The following SPMIP2 variants were observed in gnomAD, a reference collection of about 807,000 sequenced individuals.
SPMIP2 encodes protein SPMIP2.
At chr4:159,028,897 C>A in the SPMIP2 span, among the ~76,000 whole-genome samples, 2 of 152,072 alleles carry the variant, frequency 1.3e-5, no homozygotes, top group Non-Finnish European at 2.9e-5. Context: ...GAGTTCGAGA[C>A]CAGCCTGGCC....
chr4:158,895,621 T>G, the SPMIP2 span: 10 of 625,682 alleles, frequency 1.6e-5, no homozygotes, highest in Non-Finnish European at 2.9e-5. Flanking sequence ...CTTGTGATTT[T>G]TTAAGTGTAT....
At chr4:159,053,384 C>A in the SPMIP2 span, among the ~76,000 whole-genome samples, 1 of 152,244 alleles carries the variant, frequency 6.6e-6, no homozygotes, top group African/African-American at 2.4e-5. Context: ...CAAGCATACA[C>A]GGATGGGTAA....
At chr4:159,067,869 C>T in the SPMIP2 span, among the ~76,000 whole-genome samples, 182 of 152,280 alleles carry the variant, frequency 1.2e-3, 1 homozygote, top group Middle Eastern at 0.027. Context: ...AGACACTTCT[C>T]AAAAGAAGAC....
At chr4:159,073,544 T>A in the SPMIP2 span, among the ~76,000 whole-genome samples, 1 of 152,094 alleles carries the variant, frequency 6.6e-6, no homozygotes. Flanking sequence ...CCACAACAAA[T>A]AATAAAACCA....
chr4:159,081,085 T>C, the SPMIP2 span, among the ~76,000 whole-genome samples: 239 of 149,490 alleles, frequency 1.6e-3, 2 homozygotes, highest in South Asian at 6.0e-3. Flanking sequence ...TCACCCAGGC[T>C]GGAGTGCAGT....
chr4:159,040,450 T>C, the SPMIP2 span, among the ~76,000 whole-genome samples: 1 of 151,300 alleles, frequency 6.6e-6, no homozygotes, highest in Non-Finnish European at 1.5e-5. Flanking sequence ...GGATTACAGG[T>C]GTGAGCCACT....
chr4:158,913,395 T>C, the SPMIP2 span, among the ~76,000 whole-genome samples: 4 of 151,740 alleles, frequency 2.6e-5, no homozygotes, highest in African/African-American at 9.7e-5. Flanking sequence ...CCTAATTTTT[T>C]ATATTTTTTG....
the SPMIP2 span, among the ~76,000 whole-genome samples, chr4:158,930,507 C>CT: frequency 2.3e-3 from 332 of 144,744 alleles, 5 homozygotes; most frequent in Middle Eastern, 7.1e-3. Flanking sequence ...TAATGCCTGG[C>CT]TTTTTTTTTT....
chr4:159,039,998 A>G, the SPMIP2 span, among the ~76,000 whole-genome samples: 3 of 152,246 alleles, frequency 2.0e-5, no homozygotes, highest in African/African-American at 7.2e-5. Context: ...ACAGGTCAGA[A>G]TGTACTACAA....
At chr4:159,046,731 C>T in the SPMIP2 span, among the ~76,000 whole-genome samples, 19 of 152,210 alleles carry the variant, frequency 1.2e-4, no homozygotes, top group African/African-American at 3.9e-4. Context: ...TGTCACCACA[C>T]TCAGCTAATT....
the SPMIP2 span, among the ~76,000 whole-genome samples, chr4:158,937,175 C>A: frequency 2.0e-5 from 3 of 152,202 alleles, no homozygotes; most frequent in African/African-American, 7.2e-5. Flanking sequence ...GTTTGCAAAA[C>A]ATTTCATCTT....
chr4:159,016,554 T>G, the SPMIP2 span, among the ~76,000 whole-genome samples: 5 of 152,172 alleles, frequency 3.3e-5, no homozygotes, highest in Admixed American at 6.5e-5. Context: ...AAGTTGGTTA[T>G]TTATTTATTT....
the SPMIP2 span, among the ~76,000 whole-genome samples, chr4:158,902,182 C>G: frequency 2.6e-5 from 4 of 152,058 alleles, no homozygotes; most frequent in Admixed American, 2.0e-4. Flanking sequence ...GAGTGGACGT[C>G]CTTTTTGTTG....
chr4:158,963,605 A>G, the SPMIP2 span, among the ~76,000 whole-genome samples: 1 of 152,224 alleles, frequency 6.6e-6, no homozygotes, highest in East Asian at 1.9e-4. Context: ...GAATTCTAGG[A>G]GAGCACCCAA....
chr4:158,946,204 G>A, the SPMIP2 span, among the ~76,000 whole-genome samples: 1 of 152,186 alleles, frequency 6.6e-6, no homozygotes, highest in Non-Finnish European at 1.5e-5. Flanking sequence ...TTGGCATCAA[G>A]TAATAGATTA....
chr4:158,935,872 G>A, the SPMIP2 span, among the ~76,000 whole-genome samples: 1 of 152,274 alleles, frequency 6.6e-6, no homozygotes, highest in South Asian at 2.1e-4. Context: ...CACTCCAGAG[G>A]GCTGAAGAAG....
At chr4:158,925,475 G>C in the SPMIP2 span, among the ~76,000 whole-genome samples, 1 of 152,180 alleles carries the variant, frequency 6.6e-6, no homozygotes, top group Admixed American at 6.5e-5. Flanking sequence ...TTGGCACCAG[G>C]GACCAGTTTC....
chr4:158,973,144 C>T, the SPMIP2 span: 43 of 1,612,348 alleles, frequency 2.7e-5, no homozygotes, highest in East Asian at 1.8e-4. Context: ...ATTCTCCAAC[C>T]AATTTCACTG....
At chr4:159,023,156 T>A in the SPMIP2 span, among the ~76,000 whole-genome samples, 51 of 152,348 alleles carry the variant, frequency 3.3e-4, 1 homozygote, top group Admixed American at 6.5e-4. Flanking sequence ...TAAATATTTT[T>A]TCTGGGTGTG....
Sources: gnomAD v4.1 joint callset for allele counts (sites outside exome capture counted in the v4.1 genomes callset) on GRCh38, gnomAD v4.1.1 for gene constraint, MANE v1.5 for transcripts, NCBI Gene and HGNC (gene_info 2026-07-23, HGNC 2026-07-21) for gene names.